GPHN: variants seen among roughly 807,000 people sequenced by gnomAD.
GPHN encodes gephyrin.
GPHN carries 17 observed loss-of-function variants against 95.5 expected under a neutral mutation model. The ratio of observed to expected loss-of-function variants is 0.18; its 90% CI spans 0.12 to 0.27. The LOEUF (loss-of-function observed/expected upper bound fraction) is 0.27, where lower values mean the gene tolerates loss of function less well. GPHN is among the 10% of genes least tolerant of loss of function. The probability of loss-of-function intolerance (pLI) is 1.00; values close to 1 mark genes in which losing one functional copy is unlikely to be tolerated. For missense variants in GPHN, 660 were observed against 978.1 expected (o/e 0.67, Z 4.34); for synonymous variants, 320 against 322.5 (o/e 0.99, Z 0.08).
chr14:67,568,765 G>T, the GPHN span, among the ~76,000 whole-genome samples: 2,278 of 152,166 alleles, frequency 0.015, 103 homozygotes, highest in South Asian at 0.083. Context: ...AGACCCAAGG[G>T]TCTCTAAAAC....
rs148644278 is a variant in GPHN, at chr14:66,569,730, C to CATAT, written c.64+61149_64+61152dup. On this transcript the variant is annotated intron_variant, in intron 1 of 22. Transcript: ENST00000478722. Reference sequence around the variant, plus strand: ...TTATGGTATACAACATGTTTTGTTACATATATATATATAGTGGAATGTCTA... The same window carrying CATAT: ...TTATGGTATACAACATGTTTTGTTACATATATATATATATATAGTGGAATGTCTA... 3.4e-3 allele frequency among the ~76,000 whole-genome samples: 519 copies of CATAT among 150,500 alleles called. 3 individuals carry two copies. Among genetic ancestry groups the CATAT allele is most frequent in the Non-Finnish European group, 6.1e-3 (415 of 67,582 alleles).
intron 8 of GPHN, among the ~76,000 whole-genome samples, chr14:66,948,613 G>A (rs954659125): frequency 1.3e-5 from 2 of 152,128 alleles, no homozygotes; most frequent in Non-Finnish European, 2.9e-5. Flanking sequence ...TCAAGTCACT[G>A]ATAAAACTTT....
intron 18 of GPHN, among the ~76,000 whole-genome samples, chr14:67,158,648 T>A (rs570101691): frequency 6.6e-6 from 1 of 152,262 alleles, no homozygotes; most frequent in Admixed American, 6.5e-5. Flanking sequence ...TTAAGAGAAA[T>A]GTTAAGGAGT....
chr14:67,594,916 G>A, the GPHN span, among the ~76,000 whole-genome samples: 4 of 152,112 alleles, frequency 2.6e-5, no homozygotes, highest in South Asian at 2.1e-4. Context: ...TTGGGAGGCC[G>A]AGGCGGGCGG....
the GPHN span, chr14:67,571,356 G>A: frequency 5.5e-6 from 1 of 182,104 alleles, no homozygotes; most frequent in East Asian, 1.2e-4. Context: ...GAGATAGTCA[G>A]TCACTTTAAA....
chr14:67,195,655 T>C, the GPHN span, among the ~76,000 whole-genome samples: 2 of 152,204 alleles, frequency 1.3e-5, no homozygotes, highest in African/African-American at 4.8e-5. Flanking sequence ...TATTATTTTA[T>C]GTGCCACTAA....
At chr14:67,143,513 T>C (rs971345461) in intron 18 of GPHN, 64 bp downstream of exon 18, 3 of 1,021,482 alleles carry the variant, frequency 2.9e-6, no homozygotes, top group Non-Finnish European at 4.7e-6. Context: ...GTCGATTAAC[T>C]GTGGTCTGGT....
At chr14:67,590,185 G>T in the GPHN span, 1 of 1,547,328 alleles carries the variant, frequency 6.5e-7, no homozygotes, top group East Asian at 2.4e-5. Flanking sequence ...GAATTCCAAA[G>T]GGGAGAAATG....
the GPHN span, among the ~76,000 whole-genome samples, chr14:67,212,942 G>A: frequency 1.3e-5 from 2 of 151,596 alleles, no homozygotes; most frequent in South Asian, 2.1e-4. Context: ...GCAAAGCATC[G>A]TTAACTATCT....
chr14:67,581,079 T>A, the GPHN span: 1 of 1,228,608 alleles, frequency 8.1e-7, no homozygotes, highest in Non-Finnish European at 1.2e-6. Flanking sequence ...ACACAAGGGC[T>A]GCCACTGGGT....
At chr14:67,488,519 AG>A in the GPHN span, 6 of 152,330 alleles carry the variant, frequency 3.9e-5, no homozygotes, top group African/African-American at 1.2e-4. Context: ...GGCTTCTTCC[AG>A]CCTGCCGGAT....
intron 2 of GPHN, among the ~76,000 whole-genome samples, chr14:66,746,330 T>C (rs2058148907): frequency 6.6e-6 from 1 of 152,208 alleles, no homozygotes; most frequent in Non-Finnish European, 1.5e-5. Context: ...TTGTATCCTG[T>C]ATTACTTTAT....
intron 1 of GPHN, among the ~76,000 whole-genome samples, chr14:66,540,423 G>A (rs1308191655): frequency 6.6e-6 from 1 of 152,176 alleles, no homozygotes; most frequent in Admixed American, 6.5e-5. Flanking sequence ...TTGAAGGAAA[G>A]TGGAGTGAAT....
chr14:67,441,457 G>T, the GPHN span, among the ~76,000 whole-genome samples: 1 of 152,112 alleles, frequency 6.6e-6, no homozygotes, highest in African/African-American at 2.4e-5. Context: ...TTACAAAGGG[G>T]AACTCCAAGA....
chr14:67,505,724 T>C, the GPHN span, among the ~76,000 whole-genome samples: 11 of 152,086 alleles, frequency 7.2e-5, no homozygotes, highest in South Asian at 2.3e-3. Context: ...TTTTTTTTTT[T>C]TAAACAGATT....
the GPHN span, among the ~76,000 whole-genome samples, chr14:67,655,832 T>G: frequency 2.0e-5 from 3 of 152,184 alleles, no homozygotes; most frequent in Non-Finnish European, 4.4e-5. Flanking sequence ...ATCTTGTAAG[T>G]GTAGAAATCA....
chr14:67,233,712 G>A, the GPHN span, among the ~76,000 whole-genome samples: 3 of 152,208 alleles, frequency 2.0e-5, no homozygotes, highest in Non-Finnish European at 2.9e-5. Context: ...AGTGGGGATG[G>A]GGAGAAGTGG....
In GPHN at chr14:66,959,639, C is replaced by A. The variant is rs547065244; in HGVS notation, c.829-5552C>A. 3.3e-5 allele frequency among the ~76,000 whole-genome samples: 5 copies of A among 152,172 alleles called. No individual in the cohort carries two copies. The East Asian group carries it at 9.6e-4, about 29-fold the overall frequency. ...TTTCTTTTGAAAATCAGCTGTAAAT[C>A]TTATTGAGGATCAGAATTCTCTCTT... On this transcript the variant is annotated intron_variant, in intron 8 of 22. Transcript: ENST00000478722.
chr14:67,585,222 C>T, the GPHN span: 1 of 187,130 alleles, frequency 5.3e-6, no homozygotes, highest in Non-Finnish European at 1.1e-5. Flanking sequence ...AGCTGTTCCC[C>T]ATTCCCCTAA....
Sources: gnomAD v4.1 joint callset for allele counts (sites outside exome capture counted in the v4.1 genomes callset) on GRCh38, gnomAD v4.1.1 for gene constraint, MANE v1.5 for transcripts, NCBI Gene and HGNC (gene_info 2026-07-23, HGNC 2026-07-21) for gene names.